The following CACNA1C variants were observed in gnomAD, a reference collection of about 807,000 sequenced individuals.
CACNA1C encodes calcium voltage-gated channel subunit alpha1 C.
CACNA1C carries 30 observed loss-of-function variants against 229.0 expected under a neutral mutation model. The ratio of observed to expected loss-of-function variants is 0.13; its 90% confidence interval spans 0.10 to 0.18. The LOEUF is 0.18. Ranked by LOEUF, CACNA1C falls within the 10% of genes least tolerant of loss-of-function variation. The probability of loss-of-function intolerance (pLI) is 1.00; values close to 1 mark genes in which losing one functional copy is unlikely to be tolerated. For missense variants in CACNA1C, 1,658 were observed against 2,845.0 expected (o/e 0.58, Z 9.49); for synonymous variants, 1,114 against 1,132.5 (o/e 0.98, Z 0.33).
rs1476876961 is a variant in CACNA1C at position 2,593,328 on chromosome 12, C to A, written c.2646C>A (p.Ile882=). The change falls in exon 19 of 47, where the codon ATC becomes ATA. Residue 882 remains isoleucine (I), a synonymous_variant. Coordinates refer to ENST00000399655, the MANE Select transcript of CACNA1C (RefSeq NM_000719.7). Reference sequence around the variant, plus strand: ...TGCCAGAAGCCAGCGCGTTTTTCATCTTCAGCTCTAACAACAGGTGTGCAG... The same window carrying A: ...TGCCAGAAGCCAGCGCGTTTTTCATATTCAGCTCTAACAACAGGTGTGCAG... ...VPMPEASAFF[I]FSSNNRFRLQ... is the part of the protein sequence containing the mutation. 1.9e-6 allele frequency: 3 copies of A among 1,613,846 alleles called. No homozygotes were observed. Among genetic ancestry groups the A allele is most frequent in the Non-Finnish European group, 1.7e-6 (2 of 1,179,830 alleles).
intron 11 of CACNA1C, among the ~76,000 whole-genome samples, chr12:2,564,546 C>G (rs575659616): frequency 6.6e-6 from 1 of 152,262 alleles, no homozygotes; most frequent in Non-Finnish European, 1.5e-5. Flanking sequence ...TACAGGTGCC[C>G]CAAAGCCATG....
rs1449346860 is a variant in CACNA1C at position 2,260,101 on chromosome 12, T to C, written c.477+139671T>C. Reference sequence around the variant, plus strand: ...CAAACCATCAGAAGGAAGACCGACATCCTGCACCTCCACATGGTCACTAAT... The same window carrying C: ...CAAACCATCAGAAGGAAGACCGACACCCTGCACCTCCACATGGTCACTAAT... On this transcript the variant is annotated intron_variant, in intron 3 of 46. Coordinates refer to ENST00000399655, the MANE Select transcript of CACNA1C (RefSeq NM_000719.7). 2.6e-5 allele frequency among the ~76,000 whole-genome samples: 4 copies of C among 152,176 alleles called. No homozygotes were observed. In the East Asian group the frequency reaches 7.7e-4, roughly 29 times the overall value.
chr12:2,109,897 C>G lies in CACNA1C; in HGVS notation c.50-5327C>G, dbSNP rs73603754. Reference sequence around the variant, plus strand: ...GAATAAGCCCATTCTTTAGGGGTGGCTGGACTGACTCCAGCAGTGTTCCTT... The same window carrying G: ...GAATAAGCCCATTCTTTAGGGGTGGGTGGACTGACTCCAGCAGTGTTCCTT... On this transcript the variant is annotated intron_variant, in intron 1 of 46. Coordinates refer to ENST00000399655, the MANE Select transcript of CACNA1C (RefSeq NM_000719.7). Among the ~76,000 whole-genome samples the G allele has an allele frequency of 4.6e-3, 698 of 152,298 alleles. 13 individuals are homozygous for G. The highest frequency in any genetic ancestry group is 0.017 in the African/African-American group (686 of 41,572).
chr12:2,467,947 G>A lies in CACNA1C; in HGVS notation c.757+10241G>A, dbSNP rs376926221. Reference sequence around the variant, plus strand: ...GAGTGATGGGGGTGCCATGGATAAGGAGGAGATTCTACCTGTGCAGCCCTG... The same window carrying A: ...GAGTGATGGGGGTGCCATGGATAAGAAGGAGATTCTACCTGTGCAGCCCTG... On this transcript the variant is annotated intron_variant, in intron 5 of 46. Transcript: ENST00000399655. This position sits in a 1 kb window ranked among gnomAD's most constrained non-coding sequence, Gnocchi z 4.6. Among the ~76,000 whole-genome samples, 5 of 152,310 alleles carry A rather than the reference G, an allele frequency of 3.3e-5. No individual in the cohort carries two copies. Among genetic ancestry groups the A allele is most frequent in the South Asian group, 4.1e-4 (2 of 4,820 alleles).
In CACNA1C at chr12:2,309,809, C is replaced by G. The variant is rs1346688087; in HGVS notation, c.478-139167C>G. 2.6e-5 allele frequency among the ~76,000 whole-genome samples: 4 copies of G among 152,338 alleles called. No homozygotes were observed. The South Asian group carries it at 8.3e-4, about 32-fold the overall frequency. On this transcript the variant is annotated intron_variant, in intron 3 of 46. Transcript: ENST00000399655. ...ATGGCCCCTGCCTTCTGGCGACTTA[C>G]AGTCCAGGAGGGAAGAAATGAGGAA...
chr12:2,598,154 C>T (rs1050044955), intron 21 of CACNA1C, among the ~76,000 whole-genome samples: 1 of 152,170 alleles, frequency 6.6e-6, no homozygotes, highest in African/African-American at 2.4e-5. Flanking sequence ...TGCCCCTTGC[C>T]CTGAGCGTGG....
chr12:2,512,930 G>T lies in CACNA1C; in HGVS notation c.1336G>T (p.Asp446Tyr). 6.2e-7 allele frequency: 1 copy of T among 1,612,046 alleles called. No homozygotes were observed. The highest frequency in any genetic ancestry group is 2.2e-5 in the East Asian group (1 of 44,834). ...GYLDWITQAE[D>Y]IDPENEDEGM... is the part of the protein sequence containing the mutation. ...CCTGGATTGGATCACTCAGGCCGAA[G>T]ACATCGATCCTGAGAATGAGGACGA... The change falls in exon 9 of 47, where the codon GAC (aspartate) becomes TAC (tyrosine). Residue 446 changes from aspartate (D) to tyrosine (Y), a missense_variant. Physicochemically the swap from Asp to Tyr is radical, Grantham distance 160 (BLOSUM62 -3). Transcript: ENST00000399655. This position sits in a 1 kb window ranked among gnomAD's most constrained non-coding sequence, Gnocchi z 4.3.
intron 3 of CACNA1C, among the ~76,000 whole-genome samples, chr12:2,303,697 G>A (rs188745769): frequency 2.0e-5 from 3 of 152,294 alleles, no homozygotes; most frequent in Admixed American, 2.0e-4. Context: ...CTTTGGTGGG[G>A]ACACATTCAG....
At chr12:2,328,882 A>G (rs1336437270) in intron 3 of CACNA1C, among the ~76,000 whole-genome samples, 1 of 152,246 alleles carries the variant, frequency 6.6e-6, no homozygotes, top group Non-Finnish European at 1.5e-5. Context: ...GGCAGCCTCC[A>G]CAGAATGACT....
intron 1 of CACNA1C, among the ~76,000 whole-genome samples, chr12:2,090,905 AT>A (rs138525522): frequency 0.021 from 3,205 of 152,100 alleles, 109 homozygotes; most frequent in African/African-American, 0.073. Flanking sequence ...GCTCTTGTTA[AT>A]TTCTATTTTT....
chr12:2,310,814 G>A (rs1393106533), intron 3 of CACNA1C, among the ~76,000 whole-genome samples: 2 of 152,198 alleles, frequency 1.3e-5, no homozygotes, highest in African/African-American at 2.4e-5. Context: ...AGAACCAATG[G>A]TTGCCGCAAG....
intron 44 of CACNA1C, 115 bp from the exon 45 acceptor site, chr12:2,686,051 G>C (rs2097454432): frequency 1.1e-6 from 1 of 940,242 alleles, no homozygotes; most frequent in African/African-American, 1.6e-5. Context: ...GGAGGGGAAA[G>C]GAGGAGCGTC....
Position 2,053,263 on chromosome 12 carries a change from T to C in CACNA1C, c.-300T>C, listed in dbSNP as rs1458739884. On this transcript the variant is annotated 5_prime_UTR_variant, in exon 1 of 47. An upstream start codon of the reference 5' UTR is lost. Transcript: ENST00000399655. This position sits in a 1 kb window ranked among gnomAD's most constrained non-coding sequence, Gnocchi z 5.8. The stretch of plus-strand genomic sequence containing the variant: ...GCCTCTCCCGATTTATTTTTTCAAA[T>C]GGTGTAGCCGCCGGAGGTGCGGTGC... The C allele has an allele frequency of 7.4e-6, 8 of 1,084,082 alleles. No individual in the cohort carries two copies. The highest frequency in any genetic ancestry group is 8.9e-6 in the Non-Finnish European group (8 of 893,946). 67.2% of individuals were successfully genotyped at this position (1,084,082 alleles called of 1,614,324 possible).
At chr12:2,657,473 A>C (rs2095481271) in intron 34 of CACNA1C, among the ~76,000 whole-genome samples, 2 of 152,158 alleles carry the variant, frequency 1.3e-5, no homozygotes, top group African/African-American at 4.8e-5. Flanking sequence ...GTCAATCACT[A>C]AAAAAATAGA....
At chr12:2,576,734 C>G (rs1467095308) in intron 13 of CACNA1C, among the ~76,000 whole-genome samples, 1 of 96,724 alleles carries the variant, frequency 1.0e-5, no homozygotes, top group African/African-American at 4.0e-5. Context: ...GCAGGACCGC[C>G]AGCTGTTTAT....
intron 3 of CACNA1C, among the ~76,000 whole-genome samples, chr12:2,286,722 C>A (rs892557546): frequency 6.6e-6 from 1 of 152,076 alleles, no homozygotes; most frequent in Non-Finnish European, 1.5e-5. Context: ...AATGACAGGA[C>A]CCAGGCTCAG....
At chr12:2,361,013 T>G (rs1417163389) in intron 3 of CACNA1C, among the ~76,000 whole-genome samples, 1 of 152,124 alleles carries the variant, frequency 6.6e-6, no homozygotes, top group Admixed American at 6.5e-5. Flanking sequence ...GATTCTGTTC[T>G]TTGGCCTCAG....
chr12:2,076,969 C>T (rs983546900), intron 1 of CACNA1C, among the ~76,000 whole-genome samples: 3 of 152,234 alleles, frequency 2.0e-5, no homozygotes, highest in Non-Finnish European at 2.9e-5. Context: ...CTGGCTGGCA[C>T]GTGCCCTGGA....
chr12:1,990,984 CA>C (rs58516806), intron 1 of CACNA1C: 32,436 of 313,526 alleles, frequency 0.1, no homozygotes, highest in South Asian at 0.18. Flanking sequence ...ATAGAAAGGA[CA>C]AAAAAAAAAA....
Sources: gnomAD v4.1 joint callset for allele counts (sites outside exome capture counted in the v4.1 genomes callset) on GRCh38, gnomAD v4.1.1 for gene constraint, Gnocchi (gnomAD v3.1) non-coding constraint, MANE v1.5 for transcripts, NCBI Gene and HGNC (gene_info 2026-07-23, HGNC 2026-07-21) for gene names.